Variants in NOS1 observed in about 807,000 individuals in gnomAD.
NOS1 encodes NOS type I.
NOS1 carries 51 observed loss-of-function variants against 164.5 expected under a neutral mutation model. The ratio of observed to expected loss-of-function variants is 0.31; its 90% CI spans 0.25 to 0.39. NOS1 has a LOEUF of 0.39. NOS1 is among the 10% of genes least tolerant of loss of function. The pLI is 1.00. For synonymous variants in NOS1, 719 were observed against 745.8 expected (o/e 0.96, Z 0.59); for missense variants, 1,362 against 1,885.6 (o/e 0.72, Z 5.14).
At chr12:117,271,887 G>A (rs1872815330) in intron 10 of NOS1, among the ~76,000 whole-genome samples, 1 of 152,180 alleles carries the variant, frequency 6.6e-6, no homozygotes, top group African/African-American at 2.4e-5. Context: ...GGGAACCACT[G>A]CCAACCCTCC....
At chr12:117,309,758 G>A (rs1028268789) in intron 3 of NOS1, among the ~76,000 whole-genome samples, 1 of 152,026 alleles carries the variant, frequency 6.6e-6, no homozygotes, top group African/African-American at 2.4e-5. Flanking sequence ...CTAAAAAGTT[G>A]GATAACAGAT....
rs1459310061 is a variant in NOS1 at position 117,215,256 on chromosome 12, C to A, written c.*53G>T. The A allele has an allele frequency of 6.7e-7, 1 of 1,490,982 alleles. No homozygotes were observed. The allele number at this position is 1,490,982 out of a possible 1,614,324, so 92.4% of individuals were successfully genotyped here. On this transcript the variant is annotated 3_prime_UTR_variant, in exon 29 of 29. Coordinates refer to ENST00000317775, the MANE Select transcript of NOS1 (RefSeq NM_000620.5). ...AGGGGGTCCCAGAGGAAAGGTTCAG[C>A]AGTGTCTGTCCGCGCTTACAAAACT...
chr12:117,222,642 G>T (rs1056862119), intron 26 of NOS1, 73 bp downstream of exon 26: 3 of 1,400,014 alleles, frequency 2.1e-6, no homozygotes, highest in South Asian at 1.2e-5. Context: ...GAGGGTGAGG[G>T]GTTTCTGAGA....
At chr12:117,269,468 T>C (rs1211840692) in intron 10 of NOS1, among the ~76,000 whole-genome samples, 1 of 141,950 alleles carries the variant, frequency 7.0e-6, no homozygotes, top group Non-Finnish European at 1.5e-5. Context: ...AGATTTGTTT[T>C]TTTTTTTTTT....
intron 1 of NOS1, among the ~76,000 whole-genome samples, chr12:117,343,493 G>T (rs1346433812): frequency 6.6e-6 from 1 of 152,098 alleles, no homozygotes; most frequent in African/African-American, 2.4e-5. Flanking sequence ...CCATTTATAA[G>T]CTATTTGATC....
rs1956640027 is a variant in NOS1 at position 117,218,095 on chromosome 12, T to G, written c.4240A>C (p.Arg1414=). ...TCAATGAAGGCAATGGACTCAGATCTAAGGCGGTTGGTCACTTCGTACGTT... is the reference window on the plus strand; with the variant it reads ...TCAATGAAGGCAATGGACTCAGATCGAAGGCGGTTGGTCACTTCGTACGTT... ...LRTYEVTNRL[R]SESIAFIEES... The change falls in exon 28 of 29, where the codon AGA becomes CGA. Residue 1414 remains arginine, a synonymous_variant. Transcript: ENST00000317775. 4.3e-6 allele frequency: 7 copies of G among 1,614,178 alleles called. No individual in the cohort carries two copies. The East Asian group carries it at 1.6e-4, about 36-fold the overall frequency.
chr12:117,292,518 G>A (rs193085509), intron 3 of NOS1, among the ~76,000 whole-genome samples: 1 of 152,296 alleles, frequency 6.6e-6, no homozygotes, highest in African/African-American at 2.4e-5. Context: ...AGAGAACTGC[G>A]AAGGACTAAT....
At chr12:117,359,610 C>T (rs962389135) in intron 1 of NOS1, among the ~76,000 whole-genome samples, 3 of 152,044 alleles carry the variant, frequency 2.0e-5, no homozygotes, top group Non-Finnish European at 4.4e-5. Flanking sequence ...CCTTGCCTAG[C>T]GGCGTCCCTG....
chr12:117,217,366 C>G (rs868828192), intron 28 of NOS1, among the ~76,000 whole-genome samples: 3 of 152,036 alleles, frequency 2.0e-5, no homozygotes, highest in African/African-American at 4.8e-5. Context: ...TGATGCTAAA[C>G]CCCAGTAGGT....
At chr12:117,290,488 C>T in intron 3 of NOS1, 62 bp from the exon 4 acceptor site, 1 of 1,544,676 alleles carries the variant, frequency 6.5e-7, no homozygotes, top group Non-Finnish European at 8.8e-7. Context: ...AACATTGTCT[C>T]CACAGAGGCT....
chr12:117,212,468 A>T lies in NOS1; in HGVS notation c.*2841T>A. The T allele has an allele frequency of 1.0e-6, 1 of 985,434 alleles. No homozygotes were observed. The highest frequency in any genetic ancestry group is 1.2e-6 in the Non-Finnish European group (1 of 829,956). 61.0% of individuals were successfully genotyped at this position (985,434 alleles called of 1,614,324 possible). A position where few individuals can be genotyped will look rare whatever the true frequency, so the allele number is the denominator to read the frequency against. ...GCCCTCTCTCCTCCCAAGGAGTTTA[A>T]CATCATCTCTCTGCTCTTTCACGAC... On this transcript the variant is annotated 3_prime_UTR_variant, in exon 29 of 29. Coordinates refer to ENST00000317775, the MANE Select transcript of NOS1 (RefSeq NM_000620.5).
chr12:117,273,102 G>A (rs935948490), intron 9 of NOS1, among the ~76,000 whole-genome samples: 1 of 152,118 alleles, frequency 6.6e-6, no homozygotes, highest in East Asian at 1.9e-4. Context: ...ATTCTGGAAA[G>A]CCTTCCCTGA....
intron 2 of NOS1, among the ~76,000 whole-genome samples, chr12:117,314,601 A>G (rs903145902): frequency 6.6e-6 from 1 of 152,144 alleles, no homozygotes; most frequent in African/African-American, 2.4e-5. Context: ...ATGGGCTGCC[A>G]AGATCCTTCC....
chr12:117,357,698 C>T (rs7976697), intron 1 of NOS1, among the ~76,000 whole-genome samples: 8,628 of 152,172 alleles, frequency 0.057, 427 homozygotes, highest in South Asian at 0.2. Flanking sequence ...AATGCTGATT[C>T]GGTAGATTTA....
chr12:117,324,120 C>T (rs1198889419), intron 2 of NOS1, among the ~76,000 whole-genome samples: 1 of 152,090 alleles, frequency 6.6e-6, no homozygotes, highest in African/African-American at 2.4e-5. Context: ...CTAGGTAGAA[C>T]CAGGAGAGCA....
chr12:117,274,631 G>A (rs1873031974), intron 9 of NOS1, among the ~76,000 whole-genome samples: 1 of 151,934 alleles, frequency 6.6e-6, no homozygotes, highest in Non-Finnish European at 1.5e-5. Context: ...TTAGCTGGGC[G>A]TGGTGGTTCG....
chr12:117,226,733 G>A lies in NOS1; in HGVS notation c.3654C>T (p.Ser1218=), dbSNP rs766885084. ...CGTCAGCCTGTATCCGGTTGAGCCA[G>A]GAGGAGCATACGCCGTGGTGAATTG... ...EGPIHHGVCS[S]WLNRIQADEL... The change falls in exon 24 of 29, where the codon TCC becomes TCT. Residue 1218 remains serine (S), a synonymous_variant. Transcript: ENST00000317775. 6.2e-7 allele frequency: 1 copy of A among 1,614,016 alleles called. No individual in the cohort carries two copies. The highest frequency in any genetic ancestry group is 2.2e-5 in the East Asian group (1 of 44,886).
At chr12:117,290,723 A>C (rs1001017617) in intron 3 of NOS1, among the ~76,000 whole-genome samples, 2 of 152,138 alleles carry the variant, frequency 1.3e-5, no homozygotes, top group African/African-American at 2.4e-5. Flanking sequence ...GGACACACTG[A>C]GGAAGGACTC....
rs183985383 is a variant in NOS1 at position 117,318,365 on chromosome 12, A to T, written c.726-6773T>A. ...CAGCAAGGTTCCTTCTGGGTTAGAG[A>T]TGTCAGCCTTTCCTTTCTTCACTCC... On this transcript the variant is annotated intron_variant, in intron 2 of 28. Transcript: ENST00000317775. Among the ~76,000 whole-genome samples, 10 of 152,248 alleles carry T rather than the reference A, an allele frequency of 6.6e-5. No individual in the cohort carries two copies. The East Asian group carries it at 1.9e-3, about 29-fold the overall frequency.
Sources: gnomAD v4.1 joint callset for allele counts (sites outside exome capture counted in the v4.1 genomes callset) on GRCh38, gnomAD v4.1.1 for gene constraint, MANE v1.5 for transcripts, NCBI Gene and HGNC (gene_info 2026-07-23, HGNC 2026-07-21) for gene names.